DNM1: variants seen among roughly 807,000 people sequenced by gnomAD.
The protein encoded by DNM1 is dynamin 1.
Under a neutral mutation model 104.6 loss-of-function variants are expected in DNM1, and 29 were observed. The observed-to-expected ratio is 0.28, with a 90% CI of 0.21 to 0.38. DNM1 has a LOEUF of 0.38. DNM1 is among the 10% of genes least tolerant of loss of function. DNM1 has a pLI of 1.00. For synonymous variants in DNM1, 445 were observed against 475.8 expected (o/e 0.94, Z 0.84); for missense variants, 640 against 1,189.4 (o/e 0.54, Z 6.79).
At chr9:128,239,559 GAAGGT>G in intron 12 of DNM1, 44 bp downstream of exon 12, 1 of 1,505,562 alleles carries the variant, frequency 6.6e-7, no homozygotes, top group Non-Finnish European at 9.2e-7. Flanking sequence ...CCTGGGCAGA[GAAGGT>G]AACGTGTGTG....
At chr9:128,210,387 G>A (rs967724994) in intron 1 of DNM1, among the ~76,000 whole-genome samples, 23 of 81,482 alleles carry the variant, frequency 2.8e-4, no homozygotes, top group Non-Finnish European at 5.7e-4. Context: ...TTAGAAACAG[G>A]GTCTTGCTCG....
intron 11 of DNM1, among the ~76,000 whole-genome samples, chr9:128,236,110 C>A (rs1835995417): frequency 6.6e-6 from 1 of 152,182 alleles, no homozygotes; most frequent in Admixed American, 6.5e-5. Flanking sequence ...ACATTATACC[C>A]CTCATAGCCA....
rs919092839 is a variant in DNM1 at position 128,245,072 on chromosome 9, G to A, written c.1672-1322G>A. ...CGGCAGGAAGGGAGGGGTGGGGGGAGGAGGCCGCTCCTACCTAGTGTCCAA... is the reference window on the plus strand; with the variant it reads ...CGGCAGGAAGGGAGGGGTGGGGGGAAGAGGCCGCTCCTACCTAGTGTCCAA... On this transcript the variant is annotated intron_variant, in intron 15 of 21. Coordinates refer to ENST00000372923, the MANE Select transcript of DNM1 (RefSeq NM_004408.4). This position sits in a 1 kb window ranked among gnomAD's most constrained non-coding sequence, Gnocchi z 5.2. The A allele has an allele frequency of 3.8e-5, 10 of 262,102 alleles. No individual in the cohort carries two copies. Among genetic ancestry groups the A allele is most frequent in the Non-Finnish European group, 4.7e-5 (6 of 126,410 alleles). The allele number at this position is 262,102 out of a possible 1,614,324, so 16.2% of individuals were successfully genotyped here. A position where few individuals can be genotyped will look rare whatever the true frequency, so the allele number is the denominator to read the frequency against.
At position 128,234,122 on chromosome 9, in the gene DNM1, A is replaced by T; in HGVS notation, c.1422+15A>T. On this transcript the variant is annotated intron_variant, in intron 11 of 21. Coordinates refer to ENST00000372923, the MANE Select transcript of DNM1 (RefSeq NM_004408.4). The stretch of plus-strand genomic sequence containing the variant: ...CTAAGGAGCAGGTGAGCCCCGCAGC[A>T]CCCGGCCTGGCCGCGCCTTCCTTCC... 1 of 1,517,506 alleles carries T rather than the reference A, an allele frequency of 6.6e-7. No homozygotes were observed. The highest frequency in any genetic ancestry group is 8.9e-7 in the Non-Finnish European group (1 of 1,128,238). The allele number at this position is 1,517,506 out of a possible 1,614,324, so 94.0% of individuals were successfully genotyped here.
rs748949194 is a variant in DNM1, at chr9:128,222,601, G to A, written c.1128+5G>A. ...TTCCCTTTCGAGCTGGTCAAGGTAGGTCAGGCAGCCCTGGGGACAGGATGG... is the reference window on the plus strand; with the variant it reads ...TTCCCTTTCGAGCTGGTCAAGGTAGATCAGGCAGCCCTGGGGACAGGATGG... On this transcript the variant is annotated splice_donor_5th_base_variant and intron_variant, in intron 8 of 21. Coordinates refer to ENST00000372923, the MANE Select transcript of DNM1 (RefSeq NM_004408.4). This position sits in a 1 kb window ranked among gnomAD's most constrained non-coding sequence, Gnocchi z 7.8. 1 of 1,614,084 alleles carries A rather than the reference G, an allele frequency of 6.2e-7. No individual in the cohort carries two copies. The highest frequency in any genetic ancestry group is 8.5e-7 in the Non-Finnish European group (1 of 1,180,002).
Position 128,248,649 on chromosome 9 carries a change from C to A in DNM1, c.1972C>A (p.Gln658Lys). 6.2e-6 allele frequency: 10 copies of A among 1,614,066 alleles called. No individual in the cohort carries two copies. Among genetic ancestry groups the A allele is most frequent in the Non-Finnish European group, 8.5e-6 (10 of 1,179,944 alleles). The change falls in exon 19 of 22, where the codon CAA (glutamine) becomes AAA (lysine). Residue 658 changes from glutamine to lysine, a missense_variant. Physicochemically the swap from Gln to Lys is moderately conservative, Grantham distance 53. Around this residue, in one of 7 missense-constraint regions of DNM1, gnomAD observed 91 missense variants for 256.3 expected, o/e 0.36. Transcript: ENST00000372923. This position sits in a 1 kb window ranked among gnomAD's most constrained non-coding sequence, Gnocchi z 5.6. ...TTCCATGGACCCACAGCTGGAACGGCAAGTGGAGACCATCCGGAATCTTGT... is the reference window on the plus strand; with the variant it reads ...TTCCATGGACCCACAGCTGGAACGGAAAGTGGAGACCATCCGGAATCTTGT... ...MHSMDPQLER[Q>K]VETIRNLVDS... is the part of the protein sequence containing the mutation.
At position 128,220,728 on chromosome 9, in the gene DNM1, T is replaced by A. The variant is rs9408980; in HGVS notation, c.849+387T>A. 8.7e-6 allele frequency among the ~76,000 whole-genome samples: 1 copy of A among 115,144 alleles called. No homozygotes were observed. Among genetic ancestry groups the A allele is most frequent in the Non-Finnish European group, 1.8e-5 (1 of 56,040 alleles). 75.5% of individuals were successfully genotyped at this position (115,144 alleles called of 152,430 possible). Reference sequence around the variant, plus strand: ...TGGAATGGGGCATCCAGAACTGAAGTGCGCGCGCGCGCGCGTGTGTGTGTG... The same window carrying A: ...TGGAATGGGGCATCCAGAACTGAAGAGCGCGCGCGCGCGCGTGTGTGTGTG... On this transcript the variant is annotated intron_variant, in intron 6 of 21. Transcript: ENST00000372923. This position sits in a 1 kb window ranked among gnomAD's most constrained non-coding sequence, Gnocchi z 5.2.
At chr9:128,204,589 C>T (rs1315220626) in intron 1 of DNM1, among the ~76,000 whole-genome samples, 1 of 152,084 alleles carries the variant, frequency 6.6e-6, no homozygotes, top group African/African-American at 2.4e-5. Context: ...CCCCACAAAC[C>T]CCCAAAGGGA....
intron 10 of DNM1, among the ~76,000 whole-genome samples, chr9:128,230,413 T>TTTTA (rs143301170): frequency 0.14 from 20,884 of 147,980 alleles, 2,076 homozygotes; most frequent in East Asian, 0.33. Flanking sequence ...TCTTCACAAA[T>TTTTA]TTTATTTATT....
chr9:128,235,320 C>T (rs1441198213), intron 11 of DNM1, among the ~76,000 whole-genome samples: 1 of 151,898 alleles, frequency 6.6e-6, no homozygotes, highest in East Asian at 1.9e-4. Flanking sequence ...ATGGTGAAAC[C>T]CCGTCTCTAC....
At chr9:128,210,731 G>A (rs1186022384) in intron 1 of DNM1, among the ~76,000 whole-genome samples, 1 of 152,076 alleles carries the variant, frequency 6.6e-6, no homozygotes, top group African/African-American at 2.4e-5. Flanking sequence ...TCAGAGGCAG[G>A]CCAGGAACAG....
chr9:128,242,485 T>C (rs1588432434), intron 15 of DNM1, 140 bp downstream of exon 15: 2 of 578,640 alleles, frequency 3.5e-6, no homozygotes, highest in Non-Finnish European at 6.2e-6. Context: ...GCAGGCTGGG[T>C]GTGGTGGCTC....
intron 14 of DNM1, among the ~76,000 whole-genome samples, 173 bp from the exon 15 acceptor site, chr9:128,242,059 C>A (rs1836401722): frequency 6.6e-6 from 1 of 152,230 alleles, no homozygotes; most frequent in Non-Finnish European, 1.5e-5. Context: ...CTGTCTTCCA[C>A]TCTGTTCACT....
At chr9:128,235,613 G>A (rs3003615) in intron 11 of DNM1, among the ~76,000 whole-genome samples, 64,454 of 152,084 alleles carry the variant, frequency 0.42, 16,505 homozygotes, top group Admixed American at 0.6. Flanking sequence ...GAATCACACT[G>A]CTTTGAAGAT....
At position 128,224,352 on chromosome 9, in the gene DNM1, C is replaced by T. The variant is rs762000203; in HGVS notation, c.1298C>T (p.Ser433Leu). 5 of 1,613,854 alleles carry T rather than the reference C, an allele frequency of 3.1e-6. No individual in the cohort carries two copies. The highest frequency in any genetic ancestry group is 2.7e-5 in the African/African-American group (2 of 74,912). The change falls in exon 10 of 22, where the codon TCG becomes TTG. Residue 433 changes from serine to leucine, a missense_variant. Ser to Leu is a moderately radical substitution (Grantham distance 145). This residue lies in a region of DNM1 where 92 missense variants were observed against 124.4 expected (regional missense o/e 0.74). Coordinates refer to ENST00000372923, the MANE Select transcript of DNM1 (RefSeq NM_004408.4). The surrounding 1 kb of genome is among the most constrained non-coding windows in gnomAD (Gnocchi z 4.3). Reference protein sequence around the residue: ...PCLKCVDMVISELISTVRQCT... With the variant: ...PCLKCVDMVILELISTVRQCT... ...CTCAAGTGTGTGGACATGGTTATCT[C>T]GGAGCTAATCAGCACCGTTAGACAG...
At chr9:128,215,737 G>A (rs1245047966) in intron 1 of DNM1, among the ~76,000 whole-genome samples, 1 of 152,202 alleles carries the variant, frequency 6.6e-6, no homozygotes, top group Non-Finnish European at 1.5e-5. Flanking sequence ...GCCTCTCAGG[G>A]AAGAACTCCA....
rs899602034 is a variant in DNM1, at chr9:128,247,054, C to T, written c.1782-321C>T. On this transcript the variant is annotated intron_variant, in intron 16 of 21. Transcript: ENST00000372923. The surrounding 1 kb of genome is among the most constrained non-coding windows in gnomAD (Gnocchi z 5.1). ...CATCAGAGGGGTCCTTAGAGAGCCA[C>T]GGAGAAAGCTGGTGGGATCTGGGCC... 13 of 252,268 alleles carry T rather than the reference C, an allele frequency of 5.2e-5. No homozygotes were observed. The highest frequency in any genetic ancestry group is 9.3e-5 in the Non-Finnish European group (12 of 129,074). 15.6% of individuals were successfully genotyped at this position (252,268 alleles called of 1,614,324 possible). A position where few individuals can be genotyped will look rare whatever the true frequency, so the allele number is the denominator to read the frequency against.
chr9:128,249,202 A>C (rs1237230408), intron 19 of DNM1, among the ~76,000 whole-genome samples: 1 of 150,270 alleles, frequency 6.7e-6, no homozygotes, highest in Non-Finnish European at 1.5e-5. Context: ...CAAAAAAAAA[A>C]AAAAAGAAGA....
intron 1 of DNM1, among the ~76,000 whole-genome samples, chr9:128,207,542 G>A (rs933757647): frequency 4.6e-5 from 7 of 151,458 alleles, no homozygotes; most frequent in South Asian, 2.1e-4. Flanking sequence ...GGTTGTCCTA[G>A]GGCAGGCCAA....
Sources: gnomAD v4.1 joint callset for allele counts (sites outside exome capture counted in the v4.1 genomes callset) on GRCh38, gnomAD v4.1.1 for gene constraint, gnomAD v4.1.1 regional missense constraint, Gnocchi (gnomAD v3.1) non-coding constraint, MANE v1.5 for transcripts, NCBI Gene and HGNC (gene_info 2026-07-23, HGNC 2026-07-21) for gene names.